The following ENO1 variants were observed in gnomAD, a reference collection of about 807,000 sequenced individuals.
ENO1 encodes alpha-enolase.
In ENO1, 33 loss-of-function variants were observed where a neutral mutation model predicts 46.3. That is an observed-to-expected ratio of 0.71 (90% confidence interval 0.54 to 0.95). The LOEUF is 0.95. ENO1 is among the 40% of genes least tolerant of loss of function. ENO1 has a pLI of 0.00. For missense variants in ENO1, 488 were observed against 553.3 expected (o/e 0.88, Z 1.18); for synonymous variants, 220 against 216.0 (o/e 1.02, Z -0.16).
chr1:8,873,193 T>C (rs1642667849), intron 2 of ENO1, among the ~76,000 whole-genome samples: 1 of 152,196 alleles, frequency 6.6e-6, no homozygotes, highest in African/African-American at 2.4e-5. Context: ...GATAACGTGT[T>C]CACGCATGTT....
chr1:8,877,893 C>CAAATCAG (rs1642769214), intron 1 of ENO1: 1 of 148,400 alleles, frequency 6.7e-6, no homozygotes, highest in Non-Finnish European at 1.5e-5. Flanking sequence ...AAAAAAAAAC[C>CAAATCAG]AAATCAGATC....
At chr1:8,866,212 C>A in intron 7 of ENO1, 67 bp downstream of exon 7, 1 of 1,417,954 alleles carries the variant, frequency 7.1e-7, no homozygotes, top group East Asian at 2.3e-5. Flanking sequence ...CAGGTGTGGA[C>A]GACCCCCCAA....
chr1:8,863,398 C>A, intron 9 of ENO1, 55 bp from the exon 10 acceptor site: 2 of 1,537,476 alleles, frequency 1.3e-6, no homozygotes, highest in Middle Eastern at 1.7e-4. Context: ...GTTCCATAAC[C>A]CCCAATGCCA....
At chr1:8,865,045 C>T (rs1642480967) in intron 8 of ENO1, among the ~76,000 whole-genome samples, 1 of 152,220 alleles carries the variant, frequency 6.6e-6, no homozygotes, top group Admixed American at 6.5e-5. Flanking sequence ...TGACTGTGAA[C>T]AACTTATTAT....
At chr1:8,863,670 G>A (rs1642451123) in intron 9 of ENO1, among the ~76,000 whole-genome samples, 1 of 152,128 alleles carries the variant, frequency 6.6e-6, no homozygotes, top group African/African-American at 2.4e-5. Flanking sequence ...TTGAGCTCCC[G>A]AGCTCAAGTG....
intron 1 of ENO1, among the ~76,000 whole-genome samples, 168 bp from the exon 2 acceptor site, chr1:8,875,085 C>T (rs1642708555): frequency 6.6e-6 from 1 of 152,204 alleles, no homozygotes; most frequent in South Asian, 2.1e-4. Flanking sequence ...TGCTGGAAAG[C>T]AGTGAGAATT....
At chr1:8,878,455 C>G (rs937035037) in intron 1 of ENO1, 125 bp downstream of exon 1, 2 of 356,288 alleles carry the variant, frequency 5.6e-6, no homozygotes, top group Admixed American at 3.6e-5. Flanking sequence ...GCGGCTTGCA[C>G]GTGCCCCCGA....
intron 4 of ENO1, chr1:8,870,216 CCTCAGGGCTCGAAGTGT>C: frequency 1.8e-6 from 1 of 541,320 alleles, no homozygotes. Flanking sequence ...GGGGAAGAAA[CCTCAGGGCTCGAAGTGT>C]CTCATTCTTC....
rs766584131 is a variant in ENO1, at chr1:8,867,239, C to T, written c.322G>A (p.Ala108Thr). The T allele has an allele frequency of 6.2e-7, 1 of 1,614,116 alleles. No homozygotes were observed. The highest frequency in any genetic ancestry group is 8.5e-7 in the Non-Finnish European group (1 of 1,179,996). ...AGGGACACCCCCAGAATGGCGTTCG[C>T]ACCAAACTTAGCTAGAACAGAAGAG... Reference protein sequence around the residue: ...DGTENKSKFGANAILGVSLAV... With the variant: ...DGTENKSKFGTNAILGVSLAV... The change falls in exon 6 of 12, where the codon GCG (alanine) becomes ACG (threonine). Residue 108 changes from alanine (A) to threonine (T), a missense_variant. Physicochemically the swap from Ala to Thr is moderately conservative, Grantham distance 58 (BLOSUM62 0). Transcript: ENST00000234590.
chr1:8,869,452 A>T (rs1426964754), intron 4 of ENO1, among the ~76,000 whole-genome samples: 1 of 152,222 alleles, frequency 6.6e-6, no homozygotes, highest in Non-Finnish European at 1.5e-5. Flanking sequence ...GAGACAACAA[A>T]GGAACTCCTC....
rs916036980 is a variant in ENO1 at position 8,873,976 on chromosome 1, A to G, written c.85+848T>C. 4 of 152,210 alleles carry G rather than the reference A, an allele frequency of 2.6e-5. No homozygotes were observed. In the East Asian group the frequency reaches 7.7e-4, roughly 29 times the overall value. The allele number at this position is 152,210 out of a possible 1,614,324, so 9.4% of individuals were successfully genotyped here. A position where few individuals can be genotyped will look rare whatever the true frequency, so the allele number is the denominator to read the frequency against. The stretch of plus-strand genomic sequence containing the variant: ...AATTTTTCATAAGAAAACTCCTCCT[A>G]TAGGGATTGACAGCCAGGTAAAAAT... On this transcript the variant is annotated intron_variant, in intron 2 of 11. Coordinates refer to ENST00000234590, the MANE Select transcript of ENO1 (RefSeq NM_001428.5).
Position 8,866,392 on chromosome 1 carries a change from C to G in ENO1, c.554G>C (p.Gly185Ala). Residue 185 changes from glycine (G) to alanine (A), a missense_variant, in exon 7 of 12, where the codon GGA becomes GCA. Transcript: ENST00000234590. ...AANFREAMRI[G>A]AEVYHNLKNV... ...CTTCAGGTTGTGGTAAACCTCTGCTCCAATGCGCATGGCTTCCCTGAAGTT... is the reference window on the plus strand; with the variant it reads ...CTTCAGGTTGTGGTAAACCTCTGCTGCAATGCGCATGGCTTCCCTGAAGTT... 6.2e-7 allele frequency: 1 copy of G among 1,614,228 alleles called. No individual in the cohort carries two copies. Among genetic ancestry groups the G allele is most frequent in the Non-Finnish European group, 8.5e-7 (1 of 1,180,048 alleles).
chr1:8,866,040 C>G, intron 7 of ENO1: 1 of 443,192 alleles, frequency 2.3e-6, no homozygotes, highest in Non-Finnish European at 4.0e-6. Context: ...GAGATTGCGC[C>G]ACTGCACTCC....
intron 3 of ENO1, chr1:8,871,675 C>G: frequency 1.5e-6 from 2 of 1,351,854 alleles, no homozygotes; most frequent in Non-Finnish European, 1.9e-6. Context: ...TTGGAACTCT[C>G]GACCCAGAGC....
intron 3 of ENO1, chr1:8,870,844 G>C: frequency 9.0e-6 from 12 of 1,337,872 alleles, no homozygotes; most frequent in Non-Finnish European, 1.1e-5. Context: ...CAGGGCTGGT[G>C]CCAGGAACTC....
rs528180880 is a variant in ENO1 at position 8,870,600 on chromosome 1, G to A, written c.182-90C>T. 6.3e-5 allele frequency: 99 copies of A among 1,579,302 alleles called. No individual in the cohort carries two copies. In the East Asian group the frequency reaches 6.3e-4, roughly 10 times the overall value. On this transcript the variant is annotated intron_variant, in intron 3 of 11. Coordinates refer to ENST00000234590, the MANE Select transcript of ENO1 (RefSeq NM_001428.5). Reference sequence around the variant, plus strand: ...AGAGAGAACCACTGTTGAGGCCGACGCGGAAGCCCACCAAGGGACCTTCTG... The same window carrying A: ...AGAGAGAACCACTGTTGAGGCCGACACGGAAGCCCACCAAGGGACCTTCTG...
At chr1:8,863,109 C>A in intron 10 of ENO1, 126 bp downstream of exon 10, 1 of 1,358,914 alleles carries the variant, frequency 7.4e-7, no homozygotes, top group Non-Finnish European at 1.0e-6. Context: ...TTCTGTTCAG[C>A]CTCAGAAACA....
In ENO1 at chr1:8,878,682, A is replaced by G; in HGVS notation, c.-112T>C. On this transcript the variant is annotated 5_prime_UTR_variant, in exon 1 of 12. Coordinates refer to ENST00000234590, the MANE Select transcript of ENO1 (RefSeq NM_001428.5). ...ATCTCCGTGCTCCGGGTACCCACAG[A>G]TACTGTCCGCGCCGCCCGCGCCGAC... 4.4e-6 allele frequency: 2 copies of G among 455,972 alleles called. No homozygotes were observed. The highest frequency in any genetic ancestry group is 8.8e-6 in the Non-Finnish European group (2 of 226,772). 28.2% of individuals were successfully genotyped at this position (455,972 alleles called of 1,614,324 possible).
intron 11 of ENO1, among the ~76,000 whole-genome samples, chr1:8,862,473 G>A (rs1408425190): frequency 6.6e-6 from 1 of 152,194 alleles, no homozygotes; most frequent in African/African-American, 2.4e-5. Flanking sequence ...GCTCACAAGT[G>A]GAAACCCAGC....
Sources: allele counts gnomAD v4.1 joint callset (sites outside exome capture counted in the v4.1 genomes callset), GRCh38; gene constraint gnomAD v4.1.1; transcripts MANE v1.5; gene names NCBI Gene and HGNC (gene_info 2026-07-23, HGNC 2026-07-21).